PRKG1: variants seen among roughly 807,000 people sequenced by gnomAD.
PRKG1 encodes the protein protein kinase cGMP-dependent 1.
Under a neutral mutation model 88.1 loss-of-function variants are expected in PRKG1, and 35 were observed. The ratio of observed to expected loss-of-function variants is 0.40; its 90% confidence interval spans 0.30 to 0.53. The LOEUF (loss-of-function observed/expected upper bound fraction) is 0.53. PRKG1 is among the 20% of genes least tolerant of loss of function. PRKG1 has a pLI of 0.59. For synonymous variants in PRKG1, 303 were observed against 292.5 expected (o/e 1.04, Z -0.37); for missense variants, 540 against 839.8 (o/e 0.64, Z 4.41).
chr10:52,078,261 G>A (rs879329481), intron 7 of PRKG1, among the ~76,000 whole-genome samples: 8 of 152,048 alleles, frequency 5.3e-5, no homozygotes, highest in Admixed American at 3.3e-4. Context: ...GTCAAGAATT[G>A]TAAAACATGT....
At chr10:51,112,504 A>G (rs529167842) in intron 1 of PRKG1, among the ~76,000 whole-genome samples, 2 of 152,208 alleles carry the variant, frequency 1.3e-5, no homozygotes, top group East Asian at 3.9e-4. Flanking sequence ...TGAATTTCTG[A>G]ATCTGGAGTC....
intron 1 of PRKG1, among the ~76,000 whole-genome samples, chr10:51,131,408 A>C (rs1368446929): frequency 6.6e-6 from 1 of 152,188 alleles, no homozygotes; most frequent in Non-Finnish European, 1.5e-5. Context: ...GTTAAAATAG[A>C]CATATAAATC....
intron 9 of PRKG1, among the ~76,000 whole-genome samples, chr10:52,243,634 G>A (rs184349640): frequency 5.8e-4 from 89 of 152,184 alleles, no homozygotes; most frequent in Non-Finnish European, 1.0e-3. Context: ...TAATTTTTCC[G>A]GTGTTTAATT....
intron 2 of PRKG1, among the ~76,000 whole-genome samples, chr10:51,159,484 G>A (rs1846308093): frequency 6.6e-6 from 1 of 152,090 alleles, no homozygotes; most frequent in Non-Finnish European, 1.5e-5. Flanking sequence ...TAATGTTAAT[G>A]TTAAAGAGAA....
chr10:51,887,275 G>A (rs1841594677), intron 4 of PRKG1, among the ~76,000 whole-genome samples: 1 of 151,858 alleles, frequency 6.6e-6, no homozygotes, highest in Admixed American at 6.6e-5. Flanking sequence ...GTGAGCCACA[G>A]CACCTGGCCC....
At chr10:51,438,055 G>T (rs1305611656) in intron 2 of PRKG1, among the ~76,000 whole-genome samples, 2 of 151,596 alleles carry the variant, frequency 1.3e-5, no homozygotes, top group African/African-American at 4.8e-5. Flanking sequence ...AGACTCTTAG[G>T]TTCTATTTTA....
At chr10:52,144,661 A>C (rs1005789879) in intron 8 of PRKG1, among the ~76,000 whole-genome samples, 1 of 152,078 alleles carries the variant, frequency 6.6e-6, no homozygotes, top group Non-Finnish European at 1.5e-5. Context: ...AAATACAAAA[A>C]TTAGCCTTAG....
intron 3 of PRKG1, among the ~76,000 whole-genome samples, chr10:51,712,942 T>C (rs1841795698): frequency 1.3e-5 from 2 of 151,140 alleles, no homozygotes; most frequent in South Asian, 4.2e-4. Context: ...TACACATAAC[T>C]GCTCATTCTA....
chr10:51,500,514 T>C (rs1840993725), intron 3 of PRKG1, among the ~76,000 whole-genome samples: 1 of 152,180 alleles, frequency 6.6e-6, no homozygotes, highest in Non-Finnish European at 1.5e-5. Context: ...AGACATTAGA[T>C]TGTAGTCCCA....
At chr10:51,605,292 A>G (rs1419812951) in intron 3 of PRKG1, among the ~76,000 whole-genome samples, 2 of 152,176 alleles carry the variant, frequency 1.3e-5, no homozygotes, top group African/African-American at 4.8e-5. Flanking sequence ...ACATTTGGGC[A>G]TGAAAACAGG....
intron 5 of PRKG1, among the ~76,000 whole-genome samples, chr10:52,046,211 C>T (rs527647713): frequency 1.1e-4 from 16 of 152,080 alleles, no homozygotes; most frequent in East Asian, 3.9e-4. Flanking sequence ...TGGAGAATGA[C>T]GCAATAAAAA....
Position 51,598,580 on chromosome 10 carries a change from A to G in PRKG1, c.592+130744A>G, listed in dbSNP as rs868678514. On this transcript the variant is annotated intron_variant, in intron 3 of 17. Transcript: ENST00000373980. ...GCCTGCCCAAGACTTTTAATATTAT[A>G]ATAGATTAGTCACTCGATAGAAGTT... Among the ~76,000 whole-genome samples the G allele has an allele frequency of 2.6e-5, 4 of 152,198 alleles. No homozygotes were observed. In the South Asian group the frequency reaches 6.2e-4, roughly 24 times the overall value.
chr10:51,476,593 G>A (rs961115373), intron 3 of PRKG1, among the ~76,000 whole-genome samples: 1 of 134,668 alleles, frequency 7.4e-6, no homozygotes, highest in Admixed American at 7.9e-5. Flanking sequence ...ATCTTCCTAA[G>A]TGGATTATTT....
intron 9 of PRKG1, among the ~76,000 whole-genome samples, chr10:52,244,162 T>C (rs1447528341): frequency 2.0e-5 from 3 of 152,104 alleles, no homozygotes; most frequent in African/African-American, 7.2e-5. Context: ...ACATTAGAAA[T>C]TGGCCCTTTT....
intron 2 of PRKG1, among the ~76,000 whole-genome samples, chr10:51,188,186 C>T (rs1429678408): frequency 6.6e-6 from 1 of 151,916 alleles, no homozygotes; most frequent in Non-Finnish European, 1.5e-5. Flanking sequence ...TATTGGCTGC[C>T]CTCAGTCTTG....
At chr10:51,087,827 C>A (rs977333578) in intron 1 of PRKG1, among the ~76,000 whole-genome samples, 6 of 152,108 alleles carry the variant, frequency 3.9e-5, no homozygotes, top group African/African-American at 9.7e-5. Flanking sequence ...TGCAGTGGTG[C>A]GATCTTGGTT....
chr10:52,049,461 C>A (rs957617288), intron 5 of PRKG1, among the ~76,000 whole-genome samples: 1 of 151,990 alleles, frequency 6.6e-6, no homozygotes, highest in Non-Finnish European at 1.5e-5. Flanking sequence ...TTACAGACCA[C>A]AATAAATTGT....
At chr10:52,057,723 G>T (rs1453293666) in intron 6 of PRKG1, among the ~76,000 whole-genome samples, 1 of 152,044 alleles carries the variant, frequency 6.6e-6, no homozygotes, top group African/African-American at 2.4e-5. Context: ...ACATGGCTTT[G>T]CTTCATAAAG....
At position 52,271,441 on chromosome 10, in the gene PRKG1, G is replaced by A; in HGVS notation, c.1265G>A (p.Arg422His). The A allele has an allele frequency of 3.7e-6, 6 of 1,612,894 alleles. No homozygotes were observed. The highest frequency in any genetic ancestry group is 1.3e-5 in the African/African-American group (1 of 74,936). ...IVDTRQQEHI[R>H]SEKQIMQGAH... is the part of the protein sequence containing the mutation. ...GACACAAGACAGCAGGAGCACATCC[G>A]CTCAGAGAAGCAGATCATGCAGGGG... The change falls in exon 11 of 18, where the codon CGC (arginine) becomes CAC (histidine). Residue 422 changes from arginine to histidine, a missense_variant. By Grantham distance (29) the Arg-to-His change is conservative. Coordinates refer to ENST00000373980, the MANE Select transcript of PRKG1 (RefSeq NM_006258.4).
Sources: allele counts gnomAD v4.1 joint callset (sites outside exome capture counted in the v4.1 genomes callset), GRCh38; gene constraint gnomAD v4.1.1; transcripts MANE v1.5; gene names NCBI Gene and HGNC (gene_info 2026-07-23, HGNC 2026-07-21).